The following DPY19L2 variants were observed in gnomAD, a reference collection of about 807,000 sequenced individuals.
The protein encoded by DPY19L2 is dpy-19 like 2, also known as probable C-mannosyltransferase DPY19L2.
DPY19L2 carries 34 observed loss-of-function variants against 97.9 expected under a neutral mutation model. The observed-to-expected ratio is 0.35, with a 90% CI of 0.26 to 0.46. The LOEUF is 0.46. DPY19L2 is among the 20% of genes least tolerant of loss of function. DPY19L2 has a pLI of 1.00. For missense variants in DPY19L2, 623 were observed against 911.4 expected (o/e 0.68, Z 4.07); for synonymous variants, 230 against 307.9 (o/e 0.75, Z 2.65).
intron 6 of DPY19L2, among the ~76,000 whole-genome samples, chr12:63,640,355 A>T (rs1273081481): frequency 6.6e-6 from 1 of 152,188 alleles, no homozygotes; most frequent in African/African-American, 2.4e-5. Context: ...TATAATAATA[A>T]TAAAAAAAGA....
chr12:63,627,635 C>G (rs989281917), intron 6 of DPY19L2, among the ~76,000 whole-genome samples: 1 of 152,172 alleles, frequency 6.6e-6, no homozygotes, highest in East Asian at 1.9e-4. Context: ...CAGGCGTGAG[C>G]CACCGCACCC....
intron 11 of DPY19L2, among the ~76,000 whole-genome samples, chr12:63,611,317 G>GA (rs1415047627): frequency 2.6e-5 from 4 of 151,618 alleles, no homozygotes; most frequent in African/African-American, 4.8e-5. Flanking sequence ...CTGCATCACA[G>GA]AAAAAAGCTC....
At chr12:63,608,744 C>G (rs1257670930) in intron 11 of DPY19L2, 69 bp from the exon 12 acceptor site, 1 of 861,032 alleles carries the variant, frequency 1.2e-6, no homozygotes, top group Non-Finnish European at 1.8e-6. Flanking sequence ...ATAAATGGTA[C>G]ATTTCAAAAA....
intron 21 of DPY19L2, among the ~76,000 whole-genome samples, chr12:63,563,280 C>A (rs1293741696): frequency 6.6e-6 from 1 of 152,038 alleles, no homozygotes; most frequent in Non-Finnish European, 1.5e-5. Flanking sequence ...TTAATGAAGT[C>A]CTATTTATCA....
chr12:63,582,262 A>G (rs1881063023), intron 18 of DPY19L2, 144 bp downstream of exon 18: 1 of 796,630 alleles, frequency 1.3e-6, no homozygotes, highest in African/African-American at 1.8e-5. Flanking sequence ...TGAATCATGA[A>G]GTAATATTTT....
intron 11 of DPY19L2, among the ~76,000 whole-genome samples, chr12:63,613,586 C>T (rs1887361159): frequency 6.6e-6 from 1 of 151,694 alleles, no homozygotes; most frequent in South Asian, 2.1e-4. Flanking sequence ...TTTTAAAATA[C>T]TAAAATATGT....
At chr12:63,627,801 G>A (rs535373561) in intron 6 of DPY19L2, among the ~76,000 whole-genome samples, 1 of 152,192 alleles carries the variant, frequency 6.6e-6, no homozygotes, top group African/African-American at 2.4e-5. Flanking sequence ...GCACCATGAG[G>A]ACAGGGACAG....
At chr12:63,659,136 T>C (rs1272188543) in intron 4 of DPY19L2, among the ~76,000 whole-genome samples, 3 of 152,114 alleles carry the variant, frequency 2.0e-5, no homozygotes, top group Admixed American at 2.0e-4. Context: ...GACTGTATCA[T>C]CATGTGCATA....
chr12:63,570,974 A>G, intron 19 of DPY19L2, 117 bp from the exon 20 acceptor site: 2 of 976,292 alleles, frequency 2.0e-6, no homozygotes, highest in Non-Finnish European at 3.0e-6. Flanking sequence ...TTACATGACC[A>G]TGGACCTCAT....
rs1193452752 is a variant in DPY19L2, at chr12:63,661,335, A to G, written c.588+9T>C. ...CTACAAATATTATTTGTCTCAAATT[A>G]TGACTCACCTCTGGATAAAGATGGA... On this transcript the variant is annotated intron_variant, in intron 4 of 21. Transcript: ENST00000324472. 6.4e-7 allele frequency: 1 copy of G among 1,564,488 alleles called. No individual in the cohort carries two copies. The highest frequency in any genetic ancestry group is 2.2e-5 in the Admixed American group (1 of 45,244).
chr12:63,641,473 G>A (rs182037629), intron 6 of DPY19L2, among the ~76,000 whole-genome samples: 4,483 of 151,998 alleles, frequency 0.029, 101 homozygotes, highest in Middle Eastern at 0.079. Context: ...TGATTTTTGA[G>A]ATTATCAACA....
At chr12:63,635,717 C>G (rs564223136) in intron 6 of DPY19L2, among the ~76,000 whole-genome samples, 2 of 151,824 alleles carry the variant, frequency 1.3e-5, no homozygotes, top group African/African-American at 4.8e-5. Flanking sequence ...TGAAATGAAG[C>G]GAGAGGAGAA....
intron 4 of DPY19L2, among the ~76,000 whole-genome samples, chr12:63,658,661 A>C (rs1471012288): frequency 1.3e-5 from 2 of 152,086 alleles, no homozygotes; most frequent in African/African-American, 4.8e-5. Flanking sequence ...CACCTGACCA[A>C]ACTATCTCTC....
intron 6 of DPY19L2, among the ~76,000 whole-genome samples, chr12:63,630,824 A>T (rs1890486422): frequency 6.6e-6 from 1 of 152,126 alleles, no homozygotes. Context: ...GAAGTAAAGC[A>T]CTCCTCAGCA....
chr12:63,629,034 A>G (rs578237732), intron 6 of DPY19L2, among the ~76,000 whole-genome samples: 10 of 152,276 alleles, frequency 6.6e-5, no homozygotes, highest in South Asian at 2.1e-4. Context: ...ACTAACAAAC[A>G]GAAAGGACAC....
intron 16 of DPY19L2, among the ~76,000 whole-genome samples, chr12:63,593,083 C>T (rs1883437170): frequency 6.6e-6 from 1 of 151,852 alleles, no homozygotes. Flanking sequence ...ATCAAAACCA[C>T]AATGAGATAC....
intron 6 of DPY19L2, among the ~76,000 whole-genome samples, chr12:63,630,571 T>A (rs924261310): frequency 1.3e-5 from 2 of 151,902 alleles, no homozygotes; most frequent in African/African-American, 4.8e-5. Context: ...ATAAAGCAAG[T>A]CCTGAGTGAC....
At chr12:63,642,961 T>C (rs948755960) in intron 6 of DPY19L2, among the ~76,000 whole-genome samples, 1 of 152,036 alleles carries the variant, frequency 6.6e-6, no homozygotes, top group African/African-American at 2.4e-5. Context: ...CATTTTCCCA[T>C]AGCTGTCATA....
At chr12:63,635,338 G>C (rs568121641) in intron 6 of DPY19L2, among the ~76,000 whole-genome samples, 5 of 152,178 alleles carry the variant, frequency 3.3e-5, no homozygotes, top group Admixed American at 1.3e-4. Context: ...GGAGAAACCA[G>C]AGAAAAAAAG....
Sources: allele counts gnomAD v4.1 joint callset (sites outside exome capture counted in the v4.1 genomes callset), GRCh38; gene constraint gnomAD v4.1.1; transcripts MANE v1.5; gene names NCBI Gene and HGNC (gene_info 2026-07-23, HGNC 2026-07-21).